Variants in MGA observed in about 807,000 individuals in gnomAD.
The protein encoded by MGA is MAX dimerization protein MGA.
In MGA, 40 loss-of-function variants were observed where a neutral mutation model predicts 261.1. That is an observed-to-expected ratio of 0.15 (90% CI 0.12 to 0.20). The LOEUF is 0.20. Ranked by LOEUF, MGA falls within the 10% of genes least tolerant of loss-of-function variation. The pLI, the probability that MGA is intolerant of heterozygous loss-of-function variation, is 1.00. For synonymous variants in MGA, 1,302 were observed against 1,290.6 expected (o/e 1.01, Z -0.19); for missense variants, 3,397 against 3,630.5 (o/e 0.94, Z 1.65).
chr15:41,728,498 T>A (rs1408704976), intron 10 of MGA, among the ~76,000 whole-genome samples: 1 of 152,232 alleles, frequency 6.6e-6, no homozygotes, highest in Non-Finnish European at 1.5e-5. Context: ...ATTTTTGTTA[T>A]ATGTAGTATA....
chr15:41,644,482 C>A lies in MGA; in HGVS notation c.-68+23184C>A, dbSNP rs551509850. Among the ~76,000 whole-genome samples the A allele has an allele frequency of 3.3e-5, 5 of 151,880 alleles. No individual in the cohort carries two copies. In the East Asian group the frequency reaches 9.6e-4, roughly 29 times the overall value. ...ACCAGCTTGGTCAACATGGTGAAAC[C>A]CTGTCTCTACTAAAAATACTAAAAA... is the stretch of plus-strand genomic sequence containing the variant. On this transcript the variant is annotated intron_variant, in intron 1 of 8. Coordinates refer to the MGA transcript ENST00000566718.
At chr15:41,714,975 GT>G (rs1348699170) in intron 9 of MGA, among the ~76,000 whole-genome samples, 1 of 151,764 alleles carries the variant, frequency 6.6e-6, no homozygotes, top group Non-Finnish European at 1.5e-5. Context: ...ATTGGAGTGT[GT>G]TTTTTTCCTT....
intron 9 of MGA, among the ~76,000 whole-genome samples, chr15:41,726,096 A>G (rs1428575323): frequency 6.6e-6 from 1 of 152,158 alleles, no homozygotes; most frequent in East Asian, 1.9e-4. Flanking sequence ...TTGCGTCTAT[A>G]TTGATATAAG....
Position 41,766,185 on chromosome 15 carries a change from C to A in MGA, c.8103C>A (p.Ile2701=), listed in dbSNP as rs367597756. Residue 2701 remains isoleucine (I), a synonymous_variant, in exon 24 of 24, where the codon ATC becomes ATA. Transcript: ENST00000219905. Reference sequence around the variant, plus strand: ...ATTCCTTAGAGGATAAGGGTAGAATCTCTTCCAGAGGAAACAGAGATGGCA... The same window carrying A: ...ATTCCTTAGAGGATAAGGGTAGAATATCTTCCAGAGGAAACAGAGATGGCA... The A allele has an allele frequency of 2.4e-5, 38 of 1,613,858 alleles. No homozygotes were observed. Among genetic ancestry groups the A allele is most frequent in the Non-Finnish European group, 8.5e-7 (1 of 1,179,878 alleles).
chr15:41,759,872 G>C (rs1018565380), intron 19 of MGA, among the ~76,000 whole-genome samples: 1 of 152,150 alleles, frequency 6.6e-6, no homozygotes, highest in African/African-American at 2.4e-5. Flanking sequence ...GGAATTTCTA[G>C]CAGATAGGAA....
chr15:41,701,904 A>C (rs978034098), intron 5 of MGA, among the ~76,000 whole-genome samples: 1 of 152,210 alleles, frequency 6.6e-6, no homozygotes, highest in Non-Finnish European at 1.5e-5. Context: ...TTTGAAAAAC[A>C]ATTAAATCTG....
At chr15:41,624,523 C>T (rs541548250) in intron 1 of MGA, among the ~76,000 whole-genome samples, 40 of 152,228 alleles carry the variant, frequency 2.6e-4, no homozygotes, top group Admixed American at 2.0e-3. Context: ...TTAGTAGAGA[C>T]GGGGTTTCAC....
intron 2 of MGA, among the ~76,000 whole-genome samples, chr15:41,670,735 T>A (rs1192250700): frequency 6.6e-6 from 1 of 151,776 alleles, no homozygotes; most frequent in Non-Finnish European, 1.5e-5. Context: ...CTCGATCTCC[T>A]GACCTCATGA....
chr15:41,632,746 C>G lies in MGA; in HGVS notation c.-68+11448C>G, dbSNP rs184725574. On this transcript the variant is annotated intron_variant, in intron 1 of 8. Transcript: ENST00000566718. ...TTTCTTTTCTCAAAAGCTGGTGCCT[C>G]CTACCTGTAGGAGGTCTCCTTCCTG... Among the ~76,000 whole-genome samples, 3 of 150,340 alleles carry G rather than the reference C, an allele frequency of 2.0e-5. No homozygotes were observed. In the Admixed American group the frequency reaches 2.0e-4, roughly 10 times the overall value.
At chr15:41,739,802 A>G in intron 13 of MGA, 104 bp from the exon 14 acceptor site, 1 of 1,161,858 alleles carries the variant, frequency 8.6e-7, no homozygotes. Context: ...TTAAATCTGA[A>G]AAATAGACTT....
At position 41,711,060 on chromosome 15, in the gene MGA, T is replaced by G; in HGVS notation, c.2795T>G (p.Val932Gly). The G allele has an allele frequency of 6.2e-7, 1 of 1,614,086 alleles. No individual in the cohort carries two copies. The highest frequency in any genetic ancestry group is 1.1e-5 in the South Asian group (1 of 91,088). ...TCACCAAAGCAGAAATACTCTCATGTGATTCTAGGAGATAAGGTTACCAAG... is the reference window on the plus strand; with the variant it reads ...TCACCAAAGCAGAAATACTCTCATGGGATTCTAGGAGATAAGGTTACCAAG... The change falls in exon 8 of 24, where the codon GTG becomes GGG. Residue 932 changes from valine to glycine, a missense_variant. Around this residue, in one of 9 missense-constraint regions of MGA, gnomAD observed 519 missense variants for 554.1 expected, o/e 0.94. Transcript: ENST00000219905.
chr15:41,763,730 C>T (rs1000218375), intron 22 of MGA, among the ~76,000 whole-genome samples: 2 of 151,610 alleles, frequency 1.3e-5, no homozygotes, highest in Non-Finnish European at 2.9e-5. Context: ...GCAACAAGCA[C>T]GAAACTCTGT....
Position 41,737,912 on chromosome 15 carries a change from G to A in MGA, c.4434+1214G>A, listed in dbSNP as rs139471604. The stretch of plus-strand genomic sequence containing the variant: ...GGAGAATCATTTGAACCTGGGAGGT[G>A]GAGGTTGCAGTGAGCTGAGATTGTG... On this transcript the variant is annotated intron_variant, in intron 13 of 23. Coordinates refer to ENST00000219905, the MANE Select transcript of MGA (RefSeq NM_001164273.2). 5.7e-3 allele frequency among the ~76,000 whole-genome samples: 871 copies of A among 151,660 alleles called. 9 individuals are homozygous for A. Among genetic ancestry groups the A allele is most frequent in the African/African-American group, 0.02 (835 of 41,340 alleles).
In MGA at chr15:41,748,836, T is replaced by G; in HGVS notation, c.5412T>G (p.Pro1804=). The G allele has an allele frequency of 6.2e-7, 1 of 1,614,004 alleles. No homozygotes were observed. Among genetic ancestry groups the G allele is most frequent in the Non-Finnish European group, 8.5e-7 (1 of 1,179,886 alleles). ...GTGGAATGAACTTATTCAGGCACCCTAATGGGCAGATTGTCCAGCTTCTAC... is the reference window on the plus strand; with the variant it reads ...GTGGAATGAACTTATTCAGGCACCCGAATGGGCAGATTGTCCAGCTTCTAC... Residue 1804 remains proline, a synonymous_variant, in exon 16 of 24, where the codon CCT becomes CCG. Coordinates refer to ENST00000219905, the MANE Select transcript of MGA (RefSeq NM_001164273.2).
intron 1 of MGA, among the ~76,000 whole-genome samples, chr15:41,652,510 A>C (rs1199743592): frequency 6.6e-6 from 1 of 151,118 alleles, no homozygotes; most frequent in Non-Finnish European, 1.5e-5. Context: ...GACTATAGGC[A>C]TGCACCACCA....
At chr15:41,753,221 C>A (rs1376763248) in intron 17 of MGA, among the ~76,000 whole-genome samples, 1 of 152,064 alleles carries the variant, frequency 6.6e-6, no homozygotes, top group Non-Finnish European at 1.5e-5. Flanking sequence ...ACCAGCCTGG[C>A]CAACATGGTG....
intron 2 of MGA, among the ~76,000 whole-genome samples, chr15:41,687,289 G>T (rs2059019891): frequency 6.6e-6 from 1 of 152,058 alleles, no homozygotes; most frequent in Non-Finnish European, 1.5e-5. Context: ...ATTTTTAACA[G>T]TTTTCAGTGA....
chr15:41,641,122 C>T (rs563760192), intron 1 of MGA, among the ~76,000 whole-genome samples: 1 of 152,254 alleles, frequency 6.6e-6, no homozygotes, highest in Admixed American at 6.5e-5. Context: ...GACTCTTTAG[C>T]ATGTTTTCAA....
upstream of MGA, among the ~76,000 whole-genome samples, chr15:41,658,567 C>G (rs906574133): frequency 6.6e-6 from 1 of 152,032 alleles, no homozygotes; most frequent in Non-Finnish European, 1.5e-5. Flanking sequence ...TCTAAAAACA[C>G]TTAAAAGTTC....
Sources: gnomAD v4.1 joint callset for allele counts (sites outside exome capture counted in the v4.1 genomes callset) on GRCh38, gnomAD v4.1.1 for gene constraint, gnomAD v4.1.1 regional missense constraint, MANE v1.5 for transcripts, NCBI Gene and HGNC (gene_info 2026-07-23, HGNC 2026-07-21) for gene names.